Variants in SETDB1 observed in about 807,000 individuals in gnomAD.
SETDB1 encodes histone-lysine N-methyltransferase SETDB1.
Under a neutral mutation model 137.4 loss-of-function variants are expected in SETDB1, and 31 were observed. The ratio of observed to expected loss-of-function variants is 0.23; its 90% CI spans 0.17 to 0.30. The LOEUF is 0.30. Among genes scored for constraint, SETDB1 ranks in the 10% least tolerant of loss-of-function variants. The pLI, the probability that SETDB1 is intolerant of heterozygous loss-of-function variation, is 1.00. For missense variants in SETDB1, 1,113 were observed against 1,631.5 expected, an observed-to-expected ratio of 0.68 and a Z score of 5.47; for synonymous variants, 548 against 579.9, an observed-to-expected ratio of 0.95 and a Z score of 0.79.
At chr1:150,957,858 T>C (rs1307147674) in intron 14 of SETDB1, among the ~76,000 whole-genome samples, 1 of 151,978 alleles carries the variant, frequency 6.6e-6, no homozygotes, top group African/African-American at 2.4e-5. Flanking sequence ...CATGAGCCAC[T>C]GCGCCTGGCC....
intron 2 of SETDB1, among the ~76,000 whole-genome samples, chr1:150,928,625 T>C (rs188243400): frequency 5.1e-4 from 77 of 152,312 alleles, no homozygotes; most frequent in Non-Finnish European, 8.7e-4. Flanking sequence ...GTTTTTAAAT[T>C]TATTATACTT....
In SETDB1 at chr1:150,961,010, C is replaced by T. The variant is rs751267635; in HGVS notation, c.2951C>T (p.Ser984Leu). The T allele has an allele frequency of 1.2e-6, 2 of 1,613,428 alleles. No homozygotes were observed. The highest frequency in any genetic ancestry group is 1.7e-5 in the Admixed American group (1 of 59,980). Reference protein sequence around the residue: ...SEETPKNKVASWLSCNSVSEG... With the variant: ...SEETPKNKVALWLSCNSVSEG... ...GAGACACCCAAGAACAAGGTGGCCTCATGGTTGAGCTGCAATAGTGTCAGT... is the reference window on the plus strand; with the variant it reads ...GAGACACCCAAGAACAAGGTGGCCTTATGGTTGAGCTGCAATAGTGTCAGT... Residue 984 changes from serine to leucine, a missense_variant, in exon 16 of 22, where the codon TCA becomes TTA. Physicochemically the swap from Ser to Leu is moderately radical, Grantham distance 145 (BLOSUM62 -2). This residue lies in a region of SETDB1 where 373 missense variants were observed against 412.7 expected (regional missense o/e 0.90). Coordinates refer to ENST00000692827, the MANE Select transcript of SETDB1 (RefSeq NM_001366418.1).
intron 3 of SETDB1, among the ~76,000 whole-genome samples, chr1:150,931,257 T>A (rs952226655): frequency 1.9e-5 from 1 of 52,374 alleles, no homozygotes; most frequent in African/African-American, 7.3e-5. Context: ...AAGACTCTTG[T>A]CTTCAAAAAA....
At chr1:150,955,872 T>C (rs1571655778) in intron 14 of SETDB1, among the ~76,000 whole-genome samples, 1 of 147,300 alleles carries the variant, frequency 6.8e-6, no homozygotes, top group South Asian at 2.2e-4. Context: ...GCAGATCACT[T>C]GAGGTCAGGA....
chr1:150,941,270 G>A (rs961641694), intron 4 of SETDB1, 59 bp from the exon 5 acceptor site: 23 of 917,056 alleles, frequency 2.5e-5, no homozygotes, highest in Non-Finnish European at 4.0e-5. Flanking sequence ...TTATTCTGAA[G>A]TTATTTGTAA....
Position 150,962,621 on chromosome 1 carries a change from C to A in SETDB1, c.3196C>A (p.Pro1066Thr). The A allele has an allele frequency of 1.2e-6, 2 of 1,613,972 alleles. No homozygotes were observed. Among genetic ancestry groups the A allele is most frequent in the Non-Finnish European group, 1.7e-6 (2 of 1,179,842 alleles). Residue 1066 changes from proline (P) to threonine (T), a missense_variant, in exon 18 of 22, where the codon CCT (proline) becomes ACT (threonine). By Grantham distance (38) the Pro-to-Thr change is conservative. Transcript: ENST00000692827. ...AAGCTCTCGAAATTACGGTTACAATCCTTCTCCTGTGAAGCCTGAAGGACT... is the reference window on the plus strand; with the variant it reads ...AAGCTCTCGAAATTACGGTTACAATACTTCTCCTGTGAAGCCTGAAGGACT... ...TESSRNYGYN[P>T]SPVKPEGLRR...
intron 2 of SETDB1, among the ~76,000 whole-genome samples, chr1:150,929,411 C>T (rs1282853390): frequency 6.6e-6 from 1 of 150,602 alleles, no homozygotes; most frequent in African/African-American, 2.4e-5. Context: ...GAGACTTGCT[C>T]TGTCTCACCC....
intron 12 of SETDB1, 140 bp downstream of exon 12, chr1:150,949,665 C>A: frequency 1.6e-6 from 1 of 640,250 alleles, no homozygotes. Flanking sequence ...AAGCTTTACC[C>A]ATAGAAGTTC....
At chr1:150,937,292 A>G (rs1372085108) in intron 3 of SETDB1, among the ~76,000 whole-genome samples, 1 of 152,042 alleles carries the variant, frequency 6.6e-6, no homozygotes, top group Non-Finnish European at 1.5e-5. Flanking sequence ...CTTAGATGAG[A>G]TATCTAGCAT....
rs587660701 is a variant in SETDB1 at position 150,961,175 on chromosome 1, A to G, written c.3116A>G (p.Lys1039Arg). ...GGCATCAAGGATGAGGGAGACATCAAACAGGCCAAGAAAGAGGTAAGCAGT... is the reference window on the plus strand; with the variant it reads ...GGCATCAAGGATGAGGGAGACATCAGACAGGCCAAGAAAGAGGTAAGCAGT... ...GLGIKDEGDI[K>R]QAKKEDTDDR... Residue 1039 changes from lysine to arginine, a missense_variant, in exon 16 of 22, where the codon AAA becomes AGA. Lys to Arg is a conservative substitution (Grantham distance 26). Coordinates refer to ENST00000692827, the MANE Select transcript of SETDB1 (RefSeq NM_001366418.1). 3.7e-6 allele frequency: 6 copies of G among 1,613,418 alleles called. No individual in the cohort carries two copies. In the East Asian group the frequency reaches 8.9e-5, roughly 24 times the overall value.
rs1314939755 is a variant in SETDB1, at chr1:150,941,397, CAAG to C, written c.521_523del (p.Lys174del). The stretch of plus-strand genomic sequence containing the variant: ...TTCAGAAGTTCATGGATGCTGTCAA[CAAG>C]AAGAGCAGTTCCCAGGATCTGCATA... On this transcript the variant is annotated inframe_deletion, in exon 5 of 22. Coordinates refer to ENST00000692827, the MANE Select transcript of SETDB1 (RefSeq NM_001366418.1). 1.9e-6 allele frequency: 3 copies of C among 1,612,512 alleles called. No homozygotes were observed. Among genetic ancestry groups the C allele is most frequent in the African/African-American group, 2.7e-5 (2 of 74,882 alleles).
At position 150,950,949 on chromosome 1, in the gene SETDB1, T is replaced by C; in HGVS notation, c.2075T>C (p.Leu692Pro). ...DITYGKEDVP[L>P]SCVNEIDTTP... ...ACTTATGGGAAGGAAGATGTTCCCC[T>C]ATCCTGTGTCAATGAGATTGACACA... Residue 692 changes from leucine (L) to proline (P), a missense_variant, in exon 13 of 22, where the codon CTA (leucine) becomes CCA (proline). By Grantham distance (98) the Leu-to-Pro change is moderately conservative. This residue lies in a region of SETDB1 where 2 missense variants were observed against 19.1 expected (regional missense o/e 0.10). Transcript: ENST00000692827. The C allele has an allele frequency of 6.2e-7, 1 of 1,614,132 alleles. No homozygotes were observed. Among genetic ancestry groups the C allele is most frequent in the Non-Finnish European group, 8.5e-7 (1 of 1,180,010 alleles).
rs1025642984 is a variant in SETDB1, at chr1:150,949,358, A to T, written c.1425-9A>T. The T allele has an allele frequency of 2.5e-5, 41 of 1,613,906 alleles. No individual in the cohort carries two copies. Among genetic ancestry groups the T allele is most frequent in the Non-Finnish European group, 3.5e-5 (41 of 1,179,992 alleles). On this transcript the variant is annotated splice_polypyrimidine_tract_variant and intron_variant, in intron 11 of 21. Transcript: ENST00000692827. ...CCCTTACTATATGCCCTCTTCTCTA[A>T]TCTCCTAGAAGCTTGGAAAGCCAGC...
intron 2 of SETDB1, among the ~76,000 whole-genome samples, chr1:150,929,388 T>A (rs1022752083): frequency 1.1e-4 from 16 of 151,616 alleles, no homozygotes; most frequent in Non-Finnish European, 1.8e-4. Flanking sequence ...TTATTTTATT[T>A]TTTTTTTAGA....
intron 16 of SETDB1, chr1:150,961,861 T>G (rs587600339): frequency 1.9e-6 from 1 of 525,078 alleles, no homozygotes; most frequent in Non-Finnish European, 3.4e-6. Flanking sequence ...CTTTCCACAT[T>G]ACAGATGGTG....
At chr1:150,930,247 T>A in intron 3 of SETDB1, 129 bp downstream of exon 3, 1 of 806,960 alleles carries the variant, frequency 1.2e-6, no homozygotes, top group Non-Finnish European at 1.9e-6. Flanking sequence ...CTGCCTGAGT[T>A]GGCTATTAAA....
rs1670840086 is a variant in SETDB1, at chr1:150,962,038, G to T, written c.3133-92G>T. ...TTAGAATGTGTACCTGTCACTGGCT[G>T]ATGTTATCTGTGGAGGTCATTTGAA... On this transcript the variant is annotated intron_variant, in intron 16 of 21. Transcript: ENST00000692827. 3.4e-6 allele frequency: 5 copies of T among 1,454,846 alleles called. No individual in the cohort carries two copies. In the East Asian group the frequency reaches 1.1e-4, roughly 33 times the overall value. The allele number at this position is 1,454,846 out of a possible 1,614,324, so 90.1% of individuals were successfully genotyped here.
chr1:150,926,378 C>G lies in SETDB1; in HGVS notation c.-151C>G, dbSNP rs587663843. On this transcript the variant is annotated 5_prime_UTR_variant, in exon 1 of 22. Coordinates refer to ENST00000692827, the MANE Select transcript of SETDB1 (RefSeq NM_001366418.1). Reference sequence around the variant, plus strand: ...GCTTCCGGGCGTTTCTTTTGCTTCCCCTTCCCTCTTTCACGCTTCCTCCCC... The same window carrying G: ...GCTTCCGGGCGTTTCTTTTGCTTCCGCTTCCCTCTTTCACGCTTCCTCCCC... 4.5e-6 allele frequency: 1 copy of G among 221,646 alleles called. No individual in the cohort carries two copies. Among genetic ancestry groups the G allele is most frequent in the Non-Finnish European group, 9.1e-6 (1 of 109,750 alleles). The allele number at this position is 221,646 out of a possible 1,614,324, so 13.7% of individuals were successfully genotyped here. A position where few individuals can be genotyped will look rare whatever the true frequency, so the allele number is the denominator to read the frequency against.
intron 1 of SETDB1, chr1:150,926,812 C>T (rs1231574832): frequency 1.9e-6 from 1 of 533,426 alleles, no homozygotes; most frequent in Non-Finnish European, 3.8e-6. Context: ...ATATTAGGTA[C>T]CCACGTTTTA....
Sources: allele counts gnomAD v4.1 joint callset (sites outside exome capture counted in the v4.1 genomes callset), GRCh38; gene constraint gnomAD v4.1.1; regional missense constraint gnomAD v4.1.1; transcripts MANE v1.5; gene names NCBI Gene and HGNC (gene_info 2026-07-23, HGNC 2026-07-21).